The following ROBO2 variants were observed in gnomAD, a reference collection of about 807,000 sequenced individuals.
ROBO2 encodes the protein roundabout homolog 2.
In ROBO2, 53 loss-of-function variants were observed where a neutral mutation model predicts 160.8. That is an observed-to-expected ratio of 0.33 (90% CI 0.26 to 0.41). ROBO2 has a LOEUF of 0.41. Ranked by LOEUF, ROBO2 falls within the 10% of genes least tolerant of loss-of-function variation. ROBO2 has a pLI of 1.00. For missense variants in ROBO2, 1,577 were observed against 1,722.4 expected (o/e 0.92, Z 1.49); for synonymous variants, 664 against 611.7 (o/e 1.09, Z -1.26).
Position 76,825,374 on chromosome 3 carries a change from A to C in ROBO2, c.110-272640A>C, listed in dbSNP as rs556709661. Among the ~76,000 whole-genome samples, 6 of 152,254 alleles carry C rather than the reference A, an allele frequency of 3.9e-5. No homozygotes were observed. The South Asian group carries it at 1.2e-3, about 32-fold the overall frequency. On this transcript the variant is annotated intron_variant, in intron 2 of 26. Coordinates refer to the ROBO2 transcript ENST00000487694. The stretch of plus-strand genomic sequence containing the variant: ...CTCATTTTAAAACTGAATGAGATGA[A>C]AAAAGTTTATAGTTTTTCCCAATAT...
intron 2 of ROBO2, among the ~76,000 whole-genome samples, chr3:76,979,965 AT>A (rs1244466697): frequency 1.3e-5 from 2 of 151,422 alleles, no homozygotes; most frequent in African/African-American, 2.4e-5. Context: ...AAAAAAAAAA[AT>A]GTCTTTGCTG....
intron 2 of ROBO2, among the ~76,000 whole-genome samples, chr3:76,852,489 G>A (rs542716832): frequency 6.6e-6 from 1 of 152,216 alleles, no homozygotes; most frequent in Non-Finnish European, 1.5e-5. Flanking sequence ...GCCTGAAGAA[G>A]TGTTCTTGAG....
At chr3:76,483,274 A>G (rs1011830844) in intron 2 of ROBO2, among the ~76,000 whole-genome samples, 1 of 151,500 alleles carries the variant, frequency 6.6e-6, no homozygotes, top group African/African-American at 2.4e-5. Flanking sequence ...ATTCTATTAC[A>G]TGTTGTTTTC....
In ROBO2 at chr3:77,589,949, A is replaced by G. The variant is rs554251725; in HGVS notation, c.2683+1016A>G. On this transcript the variant is annotated intron_variant, in intron 17 of 25. Coordinates refer to ENST00000461745, the Ensembl canonical transcript of ROBO2. ...ATATTAAATTTGGTAGGAAGCATAA[A>G]TGTCTTAGTAACTGATTTTGACAGA... is the stretch of plus-strand genomic sequence containing the variant. 1.2e-4 allele frequency among the ~76,000 whole-genome samples: 19 copies of G among 152,220 alleles called. 1 individual carries two copies. In the South Asian group the frequency reaches 3.7e-3, roughly 30 times the overall value.
chr3:75,951,870 G>A (rs1356529956), intron 2 of ROBO2, among the ~76,000 whole-genome samples: 2 of 151,876 alleles, frequency 1.3e-5, no homozygotes, highest in Non-Finnish European at 2.9e-5. Flanking sequence ...TACTTTATAA[G>A]TACATTTTGC....
intron 1 of ROBO2, among the ~76,000 whole-genome samples, chr3:77,067,917 T>C (rs577924675): frequency 1.3e-5 from 2 of 152,328 alleles, no homozygotes; most frequent in East Asian, 3.9e-4. Context: ...ATGAGTACTT[T>C]AAAATCATAA....
chr3:76,996,548 G>T (rs2061019988), intron 2 of ROBO2, among the ~76,000 whole-genome samples: 1 of 152,260 alleles, frequency 6.6e-6, no homozygotes, highest in African/African-American at 2.4e-5. Flanking sequence ...TGGACGGTAT[G>T]GCTATTTTCA....
intron 2 of ROBO2, among the ~76,000 whole-genome samples, chr3:76,967,793 C>T (rs550447069): frequency 6.6e-6 from 1 of 152,206 alleles, no homozygotes; most frequent in South Asian, 2.1e-4. Flanking sequence ...GATTCGCCTG[C>T]CTCAGCAACC....
chr3:76,092,664 C>T (rs1021923269), intron 2 of ROBO2, among the ~76,000 whole-genome samples: 2 of 152,138 alleles, frequency 1.3e-5, no homozygotes, highest in Non-Finnish European at 2.9e-5. Context: ...ATTCTCTTTG[C>T]TCTTAGTAGA....
At chr3:76,358,769 TTTTTA>T (rs2075326373) in intron 2 of ROBO2, among the ~76,000 whole-genome samples, 1 of 151,952 alleles carries the variant, frequency 6.6e-6, no homozygotes, top group African/African-American at 2.4e-5. Flanking sequence ...GTTTAAATTT[TTTTTA>T]TTTTATTATT....
chr3:76,068,044 A>C (rs2068317961), intron 2 of ROBO2, among the ~76,000 whole-genome samples: 1 of 152,202 alleles, frequency 6.6e-6, no homozygotes, highest in South Asian at 2.1e-4. Context: ...AAGGAGAAGA[A>C]ATACACATGG....
intron 2 of ROBO2, among the ~76,000 whole-genome samples, chr3:76,247,316 C>A (rs1705680959): frequency 6.6e-6 from 1 of 152,090 alleles, no homozygotes; most frequent in Admixed American, 6.6e-5. Context: ...CCCAGGATAA[C>A]TTTAGCCTCT....
chr3:77,268,698 C>A (rs1225594591), intron 2 of ROBO2, among the ~76,000 whole-genome samples: 1 of 152,180 alleles, frequency 6.6e-6, no homozygotes, highest in Non-Finnish European at 1.5e-5. Flanking sequence ...AAGGTGTCTT[C>A]CTTGGAATCT....
chr3:77,574,417 G>A (rs2093710893), intron 13 of ROBO2, 82 bp from the exon 15 acceptor site: 11 of 1,190,826 alleles, frequency 9.2e-6, no homozygotes, highest in Non-Finnish European at 1.2e-6. Flanking sequence ...ACAGAAATGG[G>A]ACAAATGAAA....
At chr3:76,798,234 A>AAAAAAAG (rs2063876753) in intron 2 of ROBO2, among the ~76,000 whole-genome samples, 1 of 145,198 alleles carries the variant, frequency 6.9e-6, no homozygotes, top group African/African-American at 2.5e-5. Flanking sequence ...AAAGAGAAAG[A>AAAAAAAG]AAGAAAAAAA....
intron 2 of ROBO2, among the ~76,000 whole-genome samples, chr3:76,069,897 G>C (rs2107950415): frequency 6.6e-6 from 1 of 152,236 alleles, no homozygotes; most frequent in South Asian, 2.1e-4. Context: ...TAATACTTTT[G>C]TAATTTCTTA....
At chr3:77,643,880 G>T (rs13327769) in intron 24 of ROBO2, among the ~76,000 whole-genome samples, 5,787 of 152,140 alleles carry the variant, frequency 0.038, 192 homozygotes, top group African/African-American at 0.09. Context: ...CACCATTCAG[G>T]CTGTGAGAGA....
chr3:77,124,653 C>T (rs541113393), intron 2 of ROBO2, among the ~76,000 whole-genome samples: 1 of 152,172 alleles, frequency 6.6e-6, no homozygotes, highest in South Asian at 2.1e-4. Context: ...TGTATTCTTG[C>T]ATTCACTTTT....
chr3:77,125,347 A>G (rs2075219590), intron 2 of ROBO2, among the ~76,000 whole-genome samples: 1 of 152,132 alleles, frequency 6.6e-6, no homozygotes, highest in Non-Finnish European at 1.5e-5. Flanking sequence ...TGAAGCATAA[A>G]TCACTACAAA....
Sources: gnomAD v4.1 joint callset for allele counts (sites outside exome capture counted in the v4.1 genomes callset) on GRCh38, gnomAD v4.1.1 for gene constraint, MANE v1.5 for transcripts, NCBI Gene and HGNC (gene_info 2026-07-23, HGNC 2026-07-21) for gene names.